Variants in DPP6 observed in about 807,000 individuals in gnomAD.
DPP6 encodes A-type potassium channel modulatory protein DPP6.
In DPP6, 69 loss-of-function variants were observed where a neutral mutation model predicts 122.6. That is an observed-to-expected ratio of 0.56 (90% CI 0.46 to 0.69). The LOEUF (loss-of-function observed/expected upper bound fraction) is 0.69. DPP6 is among the 30% of genes least tolerant of loss of function. DPP6 has a pLI of 0.00. For synonymous variants in DPP6, 418 were observed against 433.1 expected, an observed-to-expected ratio of 0.97 and a Z score of 0.43; for missense variants, 928 against 1,116.9, an observed-to-expected ratio of 0.83 and a Z score of 2.41.
intron 17 of DPP6, among the ~76,000 whole-genome samples, chr7:154,857,569 A>T (rs767055759): frequency 6.6e-6 from 1 of 152,206 alleles, no homozygotes; most frequent in Non-Finnish European, 1.5e-5. Flanking sequence ...TTCACAGCCC[A>T]TCTCCAACCC....
At chr7:154,066,775 T>C (rs983811842) in intron 1 of DPP6, among the ~76,000 whole-genome samples, 7 of 152,246 alleles carry the variant, frequency 4.6e-5, no homozygotes, top group African/African-American at 1.7e-4. Context: ...AACCATGGCC[T>C]GATGCAAGGC....
chr7:154,487,010 G>A (rs1165503244), intron 3 of DPP6, among the ~76,000 whole-genome samples: 3 of 152,120 alleles, frequency 2.0e-5, no homozygotes, highest in Admixed American at 2.0e-4. Context: ...CTTGGCAAAC[G>A]TTGCATCCCT....
At chr7:154,620,501 A>G (rs931789852) in intron 5 of DPP6, among the ~76,000 whole-genome samples, 4 of 152,234 alleles carry the variant, frequency 2.6e-5, no homozygotes, top group African/African-American at 9.6e-5. Context: ...AGAACACAAA[A>G]TTTCACTACA....
chr7:153,798,619 G>T, the DPP6 span, among the ~76,000 whole-genome samples: 1 of 152,184 alleles, frequency 6.6e-6, no homozygotes, highest in Non-Finnish European at 1.5e-5. Context: ...GAAGATAATT[G>T]TTCCATGGAC....
chr7:154,651,588 T>G (rs1190399944), intron 6 of DPP6, among the ~76,000 whole-genome samples: 1 of 152,122 alleles, frequency 6.6e-6, no homozygotes, highest in African/African-American at 2.4e-5. Context: ...GGGCCCTAAT[T>G]GTGTCAGGTA....
At chr7:153,839,140 G>T in the DPP6 span, among the ~76,000 whole-genome samples, 2 of 152,110 alleles carry the variant, frequency 1.3e-5, no homozygotes, top group African/African-American at 4.8e-5. Flanking sequence ...TGTGAACCGT[G>T]GCATGTGTCT....
intron 9 of DPP6, among the ~76,000 whole-genome samples, chr7:154,769,907 C>T (rs753140947): frequency 2.6e-5 from 4 of 152,266 alleles, no homozygotes; most frequent in Middle Eastern, 3.4e-3. Flanking sequence ...TTGAGTTTGG[C>T]CTCTGGGAAG....
chr7:154,201,315 GAC>G (rs1799164403), intron 1 of DPP6, among the ~76,000 whole-genome samples: 1 of 152,134 alleles, frequency 6.6e-6, no homozygotes, highest in Admixed American at 6.5e-5. Flanking sequence ...TTGTAGTAGA[GAC>G]AGGGTTTCAC....
intron 1 of DPP6, among the ~76,000 whole-genome samples, chr7:154,006,306 C>T (rs1797910882): frequency 6.6e-6 from 1 of 151,804 alleles, no homozygotes; most frequent in Non-Finnish European, 1.5e-5. Flanking sequence ...TTTATTATGT[C>T]TAGGGAGGGC....
chr7:154,255,062 A>C (rs1226523173), intron 1 of DPP6, among the ~76,000 whole-genome samples: 1 of 152,150 alleles, frequency 6.6e-6, no homozygotes, highest in East Asian at 1.9e-4. Context: ...AAAAATAAAG[A>C]TGTAGACAAT....
At chr7:154,042,770 A>G (rs1281267662) in intron 1 of DPP6, among the ~76,000 whole-genome samples, 1 of 152,214 alleles carries the variant, frequency 6.6e-6, no homozygotes, top group Non-Finnish European at 1.5e-5. Flanking sequence ...TTCCTCAAAG[A>G]CCAACGACTT....
chr7:154,108,233 G>T (rs1806311631), intron 1 of DPP6, among the ~76,000 whole-genome samples: 1 of 152,134 alleles, frequency 6.6e-6, no homozygotes, highest in African/African-American at 2.4e-5. Context: ...AGGTGAGCAA[G>T]TATCCCACCT....
chr7:154,858,053 C>T (rs1008722987), intron 17 of DPP6, among the ~76,000 whole-genome samples: 1 of 152,136 alleles, frequency 6.6e-6, no homozygotes, highest in Non-Finnish European at 1.5e-5. Flanking sequence ...ATGCTCCATC[C>T]TGAACAACTC....
intron 1 of DPP6, among the ~76,000 whole-genome samples, chr7:154,158,610 A>G (rs937511134): frequency 1.2e-4 from 18 of 151,952 alleles, no homozygotes; most frequent in African/African-American, 4.4e-4. Flanking sequence ...TTATTCATTT[A>G]GTCTCTGTCT....
At chr7:154,255,685 G>A (rs6978672) in intron 1 of DPP6, among the ~76,000 whole-genome samples, 12,171 of 152,120 alleles carry the variant, frequency 0.08, 921 homozygotes, top group African/African-American at 0.2. Context: ...GTACATGGTC[G>A]GTCAATCCTG....
At chr7:154,425,460 G>C (rs1180544149) in intron 1 of DPP6, among the ~76,000 whole-genome samples, 1 of 152,104 alleles carries the variant, frequency 6.6e-6, no homozygotes, top group Non-Finnish European at 1.5e-5. Flanking sequence ...TGTGGTCTCT[G>C]CTCAGTGGGC....
chr7:154,234,952 G>A (rs542681395), intron 1 of DPP6, among the ~76,000 whole-genome samples: 23 of 152,208 alleles, frequency 1.5e-4, no homozygotes, highest in Admixed American at 3.9e-4. Context: ...TCTTGATACC[G>A]GACACACAAA....
At chr7:154,569,016 G>A (rs919785935) in intron 5 of DPP6, among the ~76,000 whole-genome samples, 3 of 152,114 alleles carry the variant, frequency 2.0e-5, no homozygotes, top group Non-Finnish European at 2.9e-5. Context: ...GTTATGAGTA[G>A]TGTGTCTTCT....
At chr7:154,558,887 C>G (rs1050370532) in intron 4 of DPP6, among the ~76,000 whole-genome samples, 1 of 152,054 alleles carries the variant, frequency 6.6e-6, no homozygotes, top group Non-Finnish European at 1.5e-5. Flanking sequence ...GGTTAATCCA[C>G]AAATAATTAA....
Sources: gnomAD v4.1 joint callset for allele counts (sites outside exome capture counted in the v4.1 genomes callset) on GRCh38, gnomAD v4.1.1 for gene constraint, MANE v1.5 for transcripts, NCBI Gene and HGNC (gene_info 2026-07-23, HGNC 2026-07-21) for gene names.